Variants in TMEM131L observed in about 807,000 individuals in gnomAD.
The protein encoded by TMEM131L is transmembrane 131 like.
A neutral mutation model predicts 192.2 loss-of-function variants in TMEM131L; 54 were observed. The observed-to-expected ratio is 0.28, with a 90% CI of 0.23 to 0.35. TMEM131L has a LOEUF of 0.35. Among genes scored for constraint, TMEM131L ranks in the 10% least tolerant of loss-of-function variants. The probability of loss-of-function intolerance (pLI) is 1.00; values close to 1 mark genes in which losing one functional copy is unlikely to be tolerated. For synonymous variants in TMEM131L, 701 were observed against 704.9 expected, an observed-to-expected ratio of 0.99 and a Z score of 0.09; for missense variants, 1,888 against 1,972.9, an observed-to-expected ratio of 0.96 and a Z score of 0.82.
intron 3 of TMEM131L, among the ~76,000 whole-genome samples, chr4:153,520,064 T>TG: frequency 6.6e-6 from 1 of 152,190 alleles, no homozygotes; most frequent in East Asian, 1.9e-4. Context: ...GCACTGACTT[T>TG]GGGGGTCAGG....
At position 153,602,296 on chromosome 4, in the gene TMEM131L, A is replaced by G; in HGVS notation, c.2411A>G (p.Gln804Arg). Residue 804 changes from glutamine (Q) to arginine (R), a missense_variant, in exon 22 of 35, where the codon CAG becomes CGG. By Grantham distance (43) the Gln-to-Arg change is conservative. Coordinates refer to ENST00000409959, the MANE Select transcript of TMEM131L (RefSeq NM_001131007.2). ...GGATTCGAGGTGCTGGATTGTCATC[A>G]GTTTTCCCTGGACCCAAACACATCC... The part of the protein sequence containing the change: ...GYGFEVLDCH[Q>R]FSLDPNTSRD... 6.2e-7 allele frequency: 1 copy of G among 1,613,714 alleles called. No homozygotes were observed.
chr4:153,632,317 C>CG (rs1734267033), intron 31 of TMEM131L: 1 of 141,570 alleles, frequency 7.1e-6, no homozygotes, highest in African/African-American at 2.6e-5. Context: ...TCCCTCCCCC[C>CG]ACCCAAAAAA....
At position 153,598,731 on chromosome 4, in the gene TMEM131L, A is replaced by G. The variant is rs763822070; in HGVS notation, c.2265A>G (p.Arg755=). ...AGTCCACGCTGATGGACTGCCGTAG[A>G]CGTGAGTTCATATGTGTGGCACTCT... ...VPESTLMDCR[R]QLKDSKQILS... The change falls in exon 21 of 35, where the codon AGA becomes AGG. Residue 755 remains arginine (R), a splice_region_variant and synonymous_variant. Coordinates refer to ENST00000409959, the MANE Select transcript of TMEM131L (RefSeq NM_001131007.2). The G allele has an allele frequency of 1.4e-5, 23 of 1,612,364 alleles. No individual in the cohort carries two copies. Among genetic ancestry groups the G allele is most frequent in the Non-Finnish European group, 1.9e-5 (22 of 1,178,952 alleles).
intron 26 of TMEM131L, among the ~76,000 whole-genome samples, chr4:153,619,329 G>C (rs528567027): frequency 6.6e-6 from 1 of 152,218 alleles, no homozygotes; most frequent in East Asian, 1.9e-4. Context: ...AAGACACAAA[G>C]GAACAATACA....
Position 153,623,100 on chromosome 4 carries a change from G to T in TMEM131L, c.4045+17G>T. The T allele has an allele frequency of 1.3e-6, 2 of 1,561,610 alleles. No homozygotes were observed. Among genetic ancestry groups the T allele is most frequent in the South Asian group, 2.4e-5 (2 of 82,364 alleles). Reference sequence around the variant, plus strand: ...TGCCGGCCGGTGAGTCCTGAGCAGAGCCCCAGGCACTCTCGGTGGCCCTTC... The same window carrying T: ...TGCCGGCCGGTGAGTCCTGAGCAGATCCCCAGGCACTCTCGGTGGCCCTTC... On this transcript the variant is annotated intron_variant, in intron 29 of 34. Coordinates refer to ENST00000409959, the MANE Select transcript of TMEM131L (RefSeq NM_001131007.2).
At chr4:153,583,090 TGTG>T in intron 9 of TMEM131L, 97 bp from the exon 10 acceptor site, 2 of 719,048 alleles carry the variant, frequency 2.8e-6, no homozygotes, top group Non-Finnish European at 5.0e-6. Flanking sequence ...AAATGTGTAA[TGTG>T]GTATTTTAAT....
At chr4:153,568,092 TTTTTG>T (rs1729342573) in intron 7 of TMEM131L, among the ~76,000 whole-genome samples, 1 of 152,198 alleles carries the variant, frequency 6.6e-6, no homozygotes, top group African/African-American at 2.4e-5. Context: ...GAATATAGCT[TTTTTG>T]TTTGTTTGTT....
chr4:153,561,742 C>T (rs1311437333), intron 7 of TMEM131L, among the ~76,000 whole-genome samples: 4 of 152,128 alleles, frequency 2.6e-5, no homozygotes, highest in African/African-American at 4.8e-5. Flanking sequence ...AGTTAAGTCA[C>T]TTTCTAAGGC....
chr4:153,590,580 T>G (rs1203508991), intron 16 of TMEM131L, among the ~76,000 whole-genome samples: 1 of 152,256 alleles, frequency 6.6e-6, no homozygotes, highest in East Asian at 1.9e-4. Context: ...TAGTATCTAT[T>G]GATAATCCTT....
In TMEM131L at chr4:153,466,417, C is replaced by G; in HGVS notation, c.20C>G (p.Pro7Arg). MAGLRR[P>R]QPGCYCRTAA... ...AGCAGCATGGCGGGGCTCCGACGCC[C>G]GCAGCCCGGCTGCTACTGCCGCACC... The change falls in exon 1 of 35, where the codon CCG becomes CGG. Residue 7 changes from proline to arginine, a missense_variant. By Grantham distance (103) the Pro-to-Arg change is moderately radical (BLOSUM62 -2). Transcript: ENST00000409959. The G allele has an allele frequency of 7.3e-7, 1 of 1,368,670 alleles. No individual in the cohort carries two copies. The highest frequency in any genetic ancestry group is 1.7e-5 in the South Asian group (1 of 59,874). 84.8% of individuals were successfully genotyped at this position (1,368,670 alleles called of 1,614,324 possible).
At chr4:153,553,255 C>T (rs923271811) in intron 4 of TMEM131L, among the ~76,000 whole-genome samples, 4 of 152,012 alleles carry the variant, frequency 2.6e-5, no homozygotes, top group African/African-American at 9.7e-5. Flanking sequence ...CTGTGTGTAT[C>T]GTTTTCAAAT....
intron 28 of TMEM131L, among the ~76,000 whole-genome samples, 171 bp downstream of exon 28, chr4:153,622,020 T>A (rs185104970): frequency 1.1e-4 from 16 of 152,204 alleles, no homozygotes; most frequent in Admixed American, 3.9e-4. Context: ...AAACTAAGAT[T>A]TGGTTGAGTC....
In TMEM131L at chr4:153,473,903, G is replaced by C. The variant is rs1380807857; in HGVS notation, c.239+15G>C. Reference sequence around the variant, plus strand: ...CAAGAACAGAGGTAAGGAAAAAATGGGGGTGGAAACCTGCATGCTGAATGT... The same window carrying C: ...CAAGAACAGAGGTAAGGAAAAAATGCGGGTGGAAACCTGCATGCTGAATGT... On this transcript the variant is annotated intron_variant, in intron 3 of 34. Coordinates refer to ENST00000409959, the MANE Select transcript of TMEM131L (RefSeq NM_001131007.2). 18 of 1,540,942 alleles carry C rather than the reference G, an allele frequency of 1.2e-5. No homozygotes were observed. Among genetic ancestry groups the C allele is most frequent in the Non-Finnish European group, 1.5e-5 (17 of 1,140,242 alleles).
In TMEM131L at chr4:153,636,375, T is replaced by C. The variant is rs2126964213; in HGVS notation, c.4632T>C (p.Asp1544=). Residue 1544 remains aspartate, a synonymous_variant, in exon 35 of 35, where the codon GAT becomes GAC. Transcript: ENST00000409959. The part of the protein sequence containing the change: ...LFGSIWAPQS[D]VYENCCPINP... Reference sequence around the variant, plus strand: ...GTTCCATCTGGGCCCCGCAAAGCGATGTGTATGAAAATTGCTGCCCCATCA... The same window carrying C: ...GTTCCATCTGGGCCCCGCAAAGCGACGTGTATGAAAATTGCTGCCCCATCA... 2.5e-6 allele frequency: 4 copies of C among 1,614,178 alleles called. No individual in the cohort carries two copies. The highest frequency in any genetic ancestry group is 2.5e-6 in the Non-Finnish European group (3 of 1,180,028).
chr4:153,576,628 C>A (rs901213972), intron 7 of TMEM131L, among the ~76,000 whole-genome samples: 17 of 150,456 alleles, frequency 1.1e-4, no homozygotes, highest in African/African-American at 3.9e-4. Context: ...TAGAGAATTG[C>A]CTTGTCAGGT....
At chr4:153,537,326 AGT>A (rs1736411742) in intron 3 of TMEM131L, among the ~76,000 whole-genome samples, 1 of 149,898 alleles carries the variant, frequency 6.7e-6, no homozygotes, top group South Asian at 2.1e-4. Flanking sequence ...CCCAAGAGAG[AGT>A]TCTTGAATCT....
At chr4:153,554,983 A>G (rs1229965825) in intron 4 of TMEM131L, among the ~76,000 whole-genome samples, 1 of 152,116 alleles carries the variant, frequency 6.6e-6, no homozygotes, top group Non-Finnish European at 1.5e-5. Context: ...GAATTAGTGT[A>G]TTTGCCACGG....
chr4:153,504,162 G>T (rs927555218), intron 3 of TMEM131L, among the ~76,000 whole-genome samples: 1 of 150,854 alleles, frequency 6.6e-6, no homozygotes, highest in African/African-American at 2.4e-5. Context: ...TAGAGACGGG[G>T]TTTCACTGTG....
chr4:153,552,015 C>T (rs997066847), intron 4 of TMEM131L, among the ~76,000 whole-genome samples: 1 of 151,802 alleles, frequency 6.6e-6, no homozygotes, highest in South Asian at 2.1e-4. Context: ...TCGAGACCAG[C>T]GTGGCCAACA....
Sources: allele counts gnomAD v4.1 joint callset (sites outside exome capture counted in the v4.1 genomes callset), GRCh38; gene constraint gnomAD v4.1.1; transcripts MANE v1.5; gene names NCBI Gene and HGNC (gene_info 2026-07-23, HGNC 2026-07-21).